The following MAPKAP1 variants were observed in gnomAD, a reference collection of about 807,000 sequenced individuals.
MAPKAP1 encodes the protein MAPK associated protein 1.
A neutral mutation model predicts 65.7 loss-of-function variants in MAPKAP1; 20 were observed. The ratio of observed to expected loss-of-function variants is 0.30; its 90% CI spans 0.21 to 0.44. The LOEUF (loss-of-function observed/expected upper bound fraction) is 0.44. MAPKAP1 is among the 20% of genes least tolerant of loss of function. MAPKAP1 has a pLI of 1.00. For missense variants in MAPKAP1, 423 were observed against 648.0 expected, an observed-to-expected ratio of 0.65 and a Z score of 3.77; for synonymous variants, 222 against 244.3, an observed-to-expected ratio of 0.91 and a Z score of 0.85.
At chr9:125,652,112 C>A in intron 4 of MAPKAP1, 1 of 1,281,790 alleles carries the variant, frequency 7.8e-7, no homozygotes, top group Non-Finnish European at 1.0e-6. Flanking sequence ...TTTCAATTCG[C>A]TGACCTTTTC....
chr9:125,574,495 C>A (rs1340324869), intron 5 of MAPKAP1, among the ~76,000 whole-genome samples: 1 of 152,130 alleles, frequency 6.6e-6, no homozygotes, highest in Non-Finnish European at 1.5e-5. Context: ...GCAGAAGCAG[C>A]AACCCAGAAA....
chr9:125,596,907 C>T (rs1480522670), intron 4 of MAPKAP1, among the ~76,000 whole-genome samples: 4 of 148,992 alleles, frequency 2.7e-5, no homozygotes, highest in Non-Finnish European at 3.0e-5. Context: ...TTTTTGTACC[C>T]ATGCTGTTGA....
At chr9:125,625,278 A>AC (rs1833083470) in intron 4 of MAPKAP1, among the ~76,000 whole-genome samples, 2 of 148,352 alleles carry the variant, frequency 1.3e-5, no homozygotes, top group African/African-American at 2.5e-5. Flanking sequence ...AAAAAAAAAA[A>AC]AACAAGGGAG....
At chr9:125,521,084 G>A (rs538217931) in intron 7 of MAPKAP1, among the ~76,000 whole-genome samples, 27 of 152,204 alleles carry the variant, frequency 1.8e-4, no homozygotes, top group Non-Finnish European at 3.7e-4. Context: ...GGTAACACAT[G>A]TACAACCAAA....
At chr9:125,560,544 A>G (rs1179536866) in intron 5 of MAPKAP1, among the ~76,000 whole-genome samples, 16 of 152,196 alleles carry the variant, frequency 1.1e-4, no homozygotes. Flanking sequence ...TGATGGTGTT[A>G]CTTCACTCCA....
At chr9:125,446,766 T>G (rs1409417080) in intron 10 of MAPKAP1, among the ~76,000 whole-genome samples, 2 of 152,208 alleles carry the variant, frequency 1.3e-5, no homozygotes, top group East Asian at 3.8e-4. Context: ...ACCACTTTGA[T>G]AAGACAGCTT....
intron 1 of MAPKAP1, among the ~76,000 whole-genome samples, chr9:125,684,661 A>C (rs1264373384): frequency 1.3e-5 from 2 of 152,214 alleles, no homozygotes; most frequent in African/African-American, 4.8e-5. Flanking sequence ...AATAAAGACA[A>C]GTTGCATTCC....
intron 9 of MAPKAP1, among the ~76,000 whole-genome samples, chr9:125,474,909 GA>G: frequency 6.6e-6 from 1 of 152,254 alleles, no homozygotes; most frequent in East Asian, 1.9e-4. Context: ...GAGAGCCTAT[GA>G]AAGCCTGGAA....
chr9:125,706,234 G>A (rs1447146973), intron 1 of MAPKAP1, among the ~76,000 whole-genome samples: 1 of 151,936 alleles, frequency 6.6e-6, no homozygotes, highest in Non-Finnish European at 1.5e-5. Flanking sequence ...GCTTGTCAGA[G>A]AATGAGAACG....
intron 5 of MAPKAP1, among the ~76,000 whole-genome samples, chr9:125,573,344 G>T (rs1831297797): frequency 6.6e-6 from 1 of 152,074 alleles, no homozygotes; most frequent in Non-Finnish European, 1.5e-5. Flanking sequence ...GTGACCTCTG[G>T]TCATCCTCAC....
At chr9:125,471,602 C>A (rs1371796707) in intron 9 of MAPKAP1, 1 of 152,206 alleles carries the variant, frequency 6.6e-6, no homozygotes, top group East Asian at 1.9e-4. Context: ...TTGAGTAGTA[C>A]CCCACTTGTC....
At chr9:125,647,397 T>C (rs1231703156) in intron 4 of MAPKAP1, among the ~76,000 whole-genome samples, 8 of 152,174 alleles carry the variant, frequency 5.3e-5, no homozygotes, top group Non-Finnish European at 1.2e-4. Flanking sequence ...GGCTTCATTA[T>C]AAGAGTGACC....
intron 4 of MAPKAP1, among the ~76,000 whole-genome samples, chr9:125,591,912 A>G (rs1250527324): frequency 6.6e-6 from 1 of 152,264 alleles, no homozygotes; most frequent in Non-Finnish European, 1.5e-5. Flanking sequence ...AACAAAGATC[A>G]TATCATACAG....
intron 4 of MAPKAP1, among the ~76,000 whole-genome samples, chr9:125,615,160 ATATAT>A (rs926862005): frequency 6.6e-6 from 1 of 152,202 alleles, no homozygotes; most frequent in Non-Finnish European, 1.5e-5. Context: ...GAATTTAAAA[ATATAT>A]TTAATAATAG....
At chr9:125,677,904 C>A (rs1258887669) in intron 1 of MAPKAP1, among the ~76,000 whole-genome samples, 1 of 152,074 alleles carries the variant, frequency 6.6e-6, no homozygotes, top group Non-Finnish European at 1.5e-5. Flanking sequence ...AAAGAGATGT[C>A]CCAAAATAAC....
At position 125,506,338 on chromosome 9, in the gene MAPKAP1, TG is replaced by T; in HGVS notation, c.1037del (p.Ala346AspfsTer26). 6.2e-7 allele frequency: 1 copy of T among 1,614,030 alleles called. No homozygotes were observed. Among genetic ancestry groups the T allele is most frequent in the Non-Finnish European group, 8.5e-7 (1 of 1,179,988 alleles). ...TCTCGCGGACCAGGCAGAACTCCCATGCGCTCTGGCTCTCCAAAGTGCTGTC... is the reference window on the plus strand; with the variant it reads ...TCTCGCGGACCAGGCAGAACTCCCATCGCTCTGGCTCTCCAAAGTGCTGTC... ...DLDSTLESQS[A>X]WEFCLVRENS... On this transcript the variant is annotated frameshift_variant, in exon 8 of 12. Transcript: ENST00000265960. LOFTEE classifies it high-confidence loss of function.
intron 7 of MAPKAP1, among the ~76,000 whole-genome samples, chr9:125,528,903 G>A (rs1218019115): frequency 4.3e-5 from 6 of 140,400 alleles, no homozygotes; most frequent in Non-Finnish European, 6.1e-5. Flanking sequence ...AGTGGCTCAC[G>A]CCTGTGATCC....
At chr9:125,608,670 C>A (rs1266364898) in intron 4 of MAPKAP1, among the ~76,000 whole-genome samples, 3 of 152,200 alleles carry the variant, frequency 2.0e-5, no homozygotes, top group Non-Finnish European at 2.9e-5. Context: ...GCAGCCACTG[C>A]TTTTCCGACG....
chr9:125,647,900 G>A (rs982471371), intron 4 of MAPKAP1, among the ~76,000 whole-genome samples: 3 of 151,046 alleles, frequency 2.0e-5, no homozygotes, highest in Non-Finnish European at 2.9e-5. Flanking sequence ...CAGTTACTAC[G>A]TGTGAAAGCA....
Sources: allele counts gnomAD v4.1 joint callset (sites outside exome capture counted in the v4.1 genomes callset), GRCh38; gene constraint gnomAD v4.1.1; transcripts MANE v1.5; gene names NCBI Gene and HGNC (gene_info 2026-07-23, HGNC 2026-07-21).